RAB7B: variants seen among roughly 807,000 people sequenced by gnomAD.
RAB7B encodes ras-related protein Rab-7b.
At chr1:205,993,847 C>T (rs1660766126) in intron 2 of RAB7B, among the ~76,000 whole-genome samples, 1 of 152,202 alleles carries the variant, frequency 6.6e-6, no homozygotes, top group South Asian at 2.1e-4. Context: ...TGCTAAATGG[C>T]TTGCCTAATT....
chr1:205,997,719 A>C (rs1315754942), intron 1 of RAB7B, among the ~76,000 whole-genome samples: 1 of 152,208 alleles, frequency 6.6e-6, no homozygotes, highest in African/African-American at 2.4e-5. Flanking sequence ...AAACCCCTGA[A>C]AAAGCATGGC....
chr1:205,996,108 T>C, intron 1 of RAB7B, among the ~76,000 whole-genome samples: 1 of 150,072 alleles, frequency 6.7e-6, no homozygotes, highest in East Asian at 1.9e-4. Flanking sequence ...TTACAATAAA[T>C]ATGTCTTGTT....
At position 206,000,392 on chromosome 1, in the gene RAB7B, C is replaced by T. The variant is rs930770342; in HGVS notation, c.-17+2861G>A. Among the ~76,000 whole-genome samples the T allele has an allele frequency of 1.0e-3, 156 of 152,310 alleles. 1 individual carries two copies. Among genetic ancestry groups the T allele is most frequent in the Non-Finnish European group, 1.8e-3 (120 of 68,024 alleles). On this transcript the variant is annotated intron_variant, in intron 1 of 5. Coordinates refer to ENST00000617070, the MANE Select transcript of RAB7B (RefSeq NM_001164522.3). ...CCCAAAGCAATTTGAGCGTGATTTT[C>T]AGATAGGACAAATTACTTCTGTGAG...
chr1:205,980,853 T>C (rs1660480064), intron 5 of RAB7B, among the ~76,000 whole-genome samples: 1 of 92,570 alleles, frequency 1.1e-5, no homozygotes, highest in African/African-American at 4.2e-5. Flanking sequence ...TCCCTCCCCT[T>C]TCCTCCCCTT....
chr1:205,977,542 T>C lies in RAB7B; in HGVS notation c.*1309A>G, dbSNP rs1660405060. ...AAAACCTTCATGAGCATCCACTTTCTGCTCAGCCTGGAAGAGAAGGAGCAC... is the reference window on the plus strand; with the variant it reads ...AAAACCTTCATGAGCATCCACTTTCCGCTCAGCCTGGAAGAGAAGGAGCAC... On this transcript the variant is annotated 3_prime_UTR_variant, in exon 6 of 6. Transcript: ENST00000617070. The C allele has an allele frequency of 6.6e-6, 1 of 152,240 alleles. No individual in the cohort carries two copies. Among genetic ancestry groups the C allele is most frequent in the Admixed American group, 6.5e-5 (1 of 15,284 alleles). The allele number at this position is 152,240 out of a possible 1,614,324, so 9.4% of individuals were successfully genotyped here.
At chr1:205,986,174 C>G (rs960670257) in intron 4 of RAB7B, among the ~76,000 whole-genome samples, 1 of 152,234 alleles carries the variant, frequency 6.6e-6, no homozygotes, top group East Asian at 1.9e-4. Context: ...TAAGCAGGCT[C>G]ACACTCAGGA....
Position 205,978,715 on chromosome 1 carries a change from C to G in RAB7B, c.*136G>C. On this transcript the variant is annotated 3_prime_UTR_variant, in exon 6 of 6. Transcript: ENST00000617070. ...CCAGCACCAGGGTCAAGGGCTCTGC[C>G]GCAGAGCTTAGGCCCCCTGCACTGT... The G allele has an allele frequency of 2.5e-6, 1 of 394,622 alleles. No homozygotes were observed. The allele number at this position is 394,622 out of a possible 1,614,324, so 24.4% of individuals were successfully genotyped here.
intron 1 of RAB7B, among the ~76,000 whole-genome samples, chr1:205,996,337 G>T (rs1469256880): frequency 6.6e-6 from 1 of 152,148 alleles, no homozygotes; most frequent in Admixed American, 6.5e-5. Flanking sequence ...ACTTGACTCT[G>T]CTCAGATGAG....
intron 5 of RAB7B, among the ~76,000 whole-genome samples, chr1:205,982,921 T>C (rs1168175798): frequency 2.0e-5 from 3 of 152,374 alleles, no homozygotes; most frequent in Admixed American, 6.5e-5. Context: ...TTACATTCTA[T>C]GCCCTAGTTA....
chr1:206,000,097 A>C (rs1040465166), intron 1 of RAB7B, among the ~76,000 whole-genome samples: 16 of 152,228 alleles, frequency 1.1e-4, no homozygotes, highest in African/African-American at 3.9e-4. Context: ...AAAAGATGAA[A>C]TAATGAAGTG....
intron 4 of RAB7B, among the ~76,000 whole-genome samples, chr1:205,988,135 T>C (rs2102636580): frequency 6.6e-6 from 1 of 152,266 alleles, no homozygotes; most frequent in African/African-American, 2.4e-5. Flanking sequence ...TTCAGAATTT[T>C]CTCACCTTCC....
intron 4 of RAB7B, among the ~76,000 whole-genome samples, chr1:205,986,492 C>T (rs1254392889): frequency 6.6e-6 from 1 of 152,212 alleles, no homozygotes; most frequent in Non-Finnish European, 1.5e-5. Flanking sequence ...CTCTACAGGG[C>T]ACTGCATAAG....
chr1:205,989,562 C>T (rs1196844503), intron 4 of RAB7B, among the ~76,000 whole-genome samples: 1 of 152,088 alleles, frequency 6.6e-6, no homozygotes, highest in African/African-American at 2.4e-5. Context: ...GCCTCTTCCT[C>T]TCAGGGCCTC....
chr1:205,992,085 C>T (rs1372091097), intron 4 of RAB7B, among the ~76,000 whole-genome samples: 1 of 152,188 alleles, frequency 6.6e-6, no homozygotes, highest in Non-Finnish European at 1.5e-5. Context: ...TGTGACCTCC[C>T]TCCTGCCTAC....
At chr1:205,999,971 G>A (rs1660866380) in intron 1 of RAB7B, among the ~76,000 whole-genome samples, 1 of 152,124 alleles carries the variant, frequency 6.6e-6, no homozygotes, top group South Asian at 2.1e-4. Flanking sequence ...ACAGGATCAT[G>A]CTTTGTAGCC....
intron 1 of RAB7B, among the ~76,000 whole-genome samples, chr1:205,995,490 C>T (rs1249372333): frequency 6.6e-6 from 1 of 152,116 alleles, no homozygotes; most frequent in Non-Finnish European, 1.5e-5. Context: ...ATGGAATCAA[C>T]CTAAGTGTCC....
intron 4 of RAB7B, among the ~76,000 whole-genome samples, chr1:205,985,980 C>A (rs1660598414): frequency 6.6e-6 from 1 of 152,272 alleles, no homozygotes; most frequent in East Asian, 1.9e-4. Context: ...GTATGTGAGG[C>A]TGAGCAGGAT....
chr1:205,979,161 G>A (rs1443572356), intron 5 of RAB7B, among the ~76,000 whole-genome samples: 3 of 152,108 alleles, frequency 2.0e-5, no homozygotes, highest in Non-Finnish European at 4.4e-5. Context: ...TGAATTAGCG[G>A]CCCAAGTCTC....
chr1:206,002,008 A>C (rs1433374820), intron 1 of RAB7B, among the ~76,000 whole-genome samples: 4 of 152,098 alleles, frequency 2.6e-5, no homozygotes, highest in Non-Finnish European at 5.9e-5. Context: ...AAGGATTCTG[A>C]AGCAGACAGA....
Sources: gnomAD v4.1 joint callset for allele counts (sites outside exome capture counted in the v4.1 genomes callset) on GRCh38, gnomAD v4.1.1 for gene constraint, MANE v1.5 for transcripts, NCBI Gene and HGNC (gene_info 2026-07-23, HGNC 2026-07-21) for gene names.